The following ACTR3C variants were observed in gnomAD, a reference collection of about 807,000 sequenced individuals.
ACTR3C encodes actin-related protein 3C.
Under a neutral mutation model 26.3 loss-of-function variants are expected in ACTR3C, and 18 were observed. The observed-to-expected ratio is 0.68, with a 90% confidence interval of 0.47 to 1.01. The LOEUF (loss-of-function observed/expected upper bound fraction) is 1.01. Among genes scored for constraint, ACTR3C ranks in the 50% least tolerant of loss-of-function variants. The pLI, the probability that ACTR3C is intolerant of heterozygous loss-of-function variation, is 0.00. For missense variants in ACTR3C, 184 were observed against 250.7 expected (o/e 0.73, Z 1.80); for synonymous variants, 55 against 94.5 (o/e 0.58, Z 2.42).
At chr7:149,895,904 A>G in the ACTR3C span, among the ~76,000 whole-genome samples, 3 of 152,080 alleles carry the variant, frequency 2.0e-5, no homozygotes, top group Non-Finnish European at 4.4e-5. Flanking sequence ...GAGAGAGTAA[A>G]TAATGTTTCT....
At chr7:149,987,410 A>G in the ACTR3C span, among the ~76,000 whole-genome samples, 1 of 145,562 alleles carries the variant, frequency 6.9e-6, no homozygotes, top group Non-Finnish European at 1.5e-5. Context: ...TACTAAAAAT[A>G]CAAAAATTAG....
the ACTR3C span, among the ~76,000 whole-genome samples, chr7:150,039,047 C>A: frequency 7.2e-6 from 1 of 138,908 alleles, no homozygotes; most frequent in Non-Finnish European, 1.6e-5. Flanking sequence ...ACGTAAGGTA[C>A]CTGCTGTCGG....
chr7:150,320,125 A>G (rs2159236), intron 1 of ACTR3C, among the ~76,000 whole-genome samples: 35,589 of 152,110 alleles, frequency 0.23, 4,555 homozygotes, highest in East Asian at 0.42. Flanking sequence ...CAGTACTCTT[A>G]CCAGAAAAGG....
the ACTR3C span, among the ~76,000 whole-genome samples, chr7:150,035,017 A>C: frequency 1.7e-4 from 23 of 132,132 alleles, no homozygotes; most frequent in Non-Finnish European, 3.1e-4. Flanking sequence ...CCTCAGAGCC[A>C]GGGGGGGAAG....
At chr7:150,315,350 CAATCCATAT>C (rs1471108353) in intron 1 of ACTR3C, among the ~76,000 whole-genome samples, 1 of 152,028 alleles carries the variant, frequency 6.6e-6, no homozygotes, top group African/African-American at 2.4e-5. Context: ...AGGATCTTCA[CAATCCATAT>C]ACCTGGAAGA....
chr7:150,212,684 A>T, the ACTR3C span, among the ~76,000 whole-genome samples: 2 of 152,222 alleles, frequency 1.3e-5, no homozygotes, highest in Non-Finnish European at 2.9e-5. Flanking sequence ...TATGAACTAG[A>T]CATGCCCTTG....
the ACTR3C span, among the ~76,000 whole-genome samples, chr7:150,139,506 C>A: frequency 6.6e-6 from 1 of 152,260 alleles, no homozygotes; most frequent in Admixed American, 6.5e-5. Flanking sequence ...TGATGAGAGA[C>A]CTAGATAAAT....
At chr7:150,203,255 G>T in the ACTR3C span, among the ~76,000 whole-genome samples, 11 of 152,320 alleles carry the variant, frequency 7.2e-5, no homozygotes, top group South Asian at 1.0e-3. Flanking sequence ...GCAACAGGGG[G>T]AGGATTTTAT....
At chr7:150,215,296 T>A in the ACTR3C span, among the ~76,000 whole-genome samples, 2 of 152,182 alleles carry the variant, frequency 1.3e-5, no homozygotes, top group East Asian at 1.9e-4. Context: ...TTTCACAGCA[T>A]GAAAACCTTG....
chr7:150,007,221 C>G, the ACTR3C span, among the ~76,000 whole-genome samples: 15 of 152,090 alleles, frequency 9.9e-5, no homozygotes, highest in Non-Finnish European at 1.9e-4. Flanking sequence ...GTTCCATGGC[C>G]CCATGCCTGG....
the ACTR3C span, among the ~76,000 whole-genome samples, chr7:150,113,289 T>G: frequency 6.6e-6 from 1 of 151,804 alleles, no homozygotes; most frequent in Non-Finnish European, 1.5e-5. Context: ...TTCCCACTTC[T>G]GTAAATTATA....
the ACTR3C span, among the ~76,000 whole-genome samples, chr7:150,035,997 G>T: frequency 7.5e-6 from 1 of 134,174 alleles, no homozygotes; most frequent in Admixed American, 7.0e-5. Flanking sequence ...CCTCGCGGGG[G>T]GTGCCTCCGC....
At chr7:150,134,164 A>G in the ACTR3C span, among the ~76,000 whole-genome samples, 2 of 152,058 alleles carry the variant, frequency 1.3e-5, no homozygotes, top group Admixed American at 6.5e-5. Context: ...TATGTAACAA[A>G]CCTGCACGTT....
the ACTR3C span, among the ~76,000 whole-genome samples, chr7:150,067,955 T>C: frequency 6.6e-6 from 1 of 152,158 alleles, no homozygotes; most frequent in Admixed American, 6.5e-5. Flanking sequence ...AATCTGGTGA[T>C]GCCAGCATTT....
the ACTR3C span, among the ~76,000 whole-genome samples, chr7:150,231,895 T>C: frequency 2.0e-4 from 31 of 152,272 alleles, no homozygotes; most frequent in Non-Finnish European, 3.8e-4. Flanking sequence ...TATTGATTGA[T>C]AGTGTTCCTC....
chr7:149,965,020 A>C, the ACTR3C span, among the ~76,000 whole-genome samples: 1 of 152,078 alleles, frequency 6.6e-6, no homozygotes, highest in African/African-American at 2.4e-5. Context: ...TAAGAGTGTA[A>C]AAATGAAATA....
At chr7:150,255,856 G>A (rs991215783) in intron 6 of ACTR3C, among the ~76,000 whole-genome samples, 12 of 152,144 alleles carry the variant, frequency 7.9e-5, no homozygotes, top group Non-Finnish European at 1.6e-4. Flanking sequence ...TATATCTTGG[G>A]CTATTACAAA....
chr7:150,035,844 C>T, the ACTR3C span, among the ~76,000 whole-genome samples: 4 of 133,068 alleles, frequency 3.0e-5, 1 homozygote, highest in Non-Finnish European at 6.8e-5. Context: ...GGTTGCCTCT[C>T]CCCCCCTGCG....
chr7:150,089,569 A>G, the ACTR3C span, among the ~76,000 whole-genome samples: 1 of 152,194 alleles, frequency 6.6e-6, no homozygotes, highest in African/African-American at 2.4e-5. Context: ...ATGATCAACC[A>G]GCAAGGAAAC....
Sources: allele counts gnomAD v4.1 joint callset (sites outside exome capture counted in the v4.1 genomes callset), GRCh38; gene constraint gnomAD v4.1.1; transcripts MANE v1.5; gene names NCBI Gene and HGNC (gene_info 2026-07-23, HGNC 2026-07-21).